FHDC1: variants seen among roughly 807,000 people sequenced by gnomAD.
FHDC1 encodes FH2 domain containing 1.
FHDC1 carries 25 observed loss-of-function variants against 52.6 expected under a neutral mutation model. That is an observed-to-expected ratio of 0.48 (90% CI 0.35 to 0.66). The LOEUF is 0.66. Among genes scored for constraint, FHDC1 ranks in the 30% least tolerant of loss-of-function variants. The pLI, the probability that FHDC1 is intolerant of heterozygous loss-of-function variation, is 0.01. For synonymous variants in FHDC1, 616 were observed against 581.5 expected (o/e 1.06, Z -0.85); for missense variants, 1,459 against 1,452.8 (o/e 1.00, Z -0.07).
intron 2 of FHDC1, 144 bp from the exon 3 acceptor site, chr4:152,953,355 A>G (rs960578620): frequency 1.6e-6 from 1 of 632,494 alleles, no homozygotes; most frequent in Admixed American, 3.0e-5. Flanking sequence ...TATGTTAGGA[A>G]TATCTGTTAA....
chr4:152,976,617 C>T lies in FHDC1; in HGVS notation c.3326C>T (p.Thr1109Met). Residue 1109 changes from threonine (T) to methionine (M), a missense_variant, in exon 12 of 12, where the codon ACG becomes ATG. Coordinates refer to ENST00000511601, the MANE Select transcript of FHDC1 (RefSeq NM_001371116.1). ...PESAEGPSAN[T>M]EAPLKARGAG... ...TCTGCGGAGGGTCCCAGTGCCAACA[C>T]GGAGGCCCCTCTGAAGGCCAGAGGG... is the stretch of plus-strand genomic sequence containing the variant. The T allele has an allele frequency of 7.5e-6, 12 of 1,610,362 alleles. No homozygotes were observed. The highest frequency in any genetic ancestry group is 1.0e-5 in the Non-Finnish European group (12 of 1,178,438).
rs750380140 is a variant in FHDC1, at chr4:152,975,422, C to A, written c.2131C>A (p.His711Asn). 3.1e-6 allele frequency: 5 copies of A among 1,613,512 alleles called. No individual in the cohort carries two copies. The South Asian group carries it at 5.5e-5, about 18-fold the overall frequency. ...FSPMELESVGHRGPQSLSASS... is the reference protein window; with the variant it reads ...FSPMELESVGNRGPQSLSASS... ...CCCGATGGAGCTAGAGTCTGTGGGG[C>A]ATAGGGGCCCGCAGTCCCTCAGTGC... Residue 711 changes from histidine to asparagine, a missense_variant, in exon 12 of 12, where the codon CAT becomes AAT. By Grantham distance (68) the His-to-Asn change is moderately conservative. Coordinates refer to ENST00000511601, the MANE Select transcript of FHDC1 (RefSeq NM_001371116.1).
intron 1 of FHDC1, among the ~76,000 whole-genome samples, chr4:152,941,813 G>A (rs62320605): frequency 0.048 from 7,376 of 152,150 alleles, 228 homozygotes; most frequent in South Asian, 0.11. Context: ...ATTACACCCC[G>A]AAGTGCCGTG....
chr4:152,936,938 T>A (rs1739400569), intron 1 of FHDC1, among the ~76,000 whole-genome samples: 1 of 152,220 alleles, frequency 6.6e-6, no homozygotes. Flanking sequence ...GGGGACCTAG[T>A]GCGGTGGTGC....
At chr4:152,915,538 G>A in the FHDC1 span, among the ~76,000 whole-genome samples, 1 of 152,176 alleles carries the variant, frequency 6.6e-6, no homozygotes, top group South Asian at 2.1e-4. Context: ...TTACAAAGAG[G>A]CAGTACACTT....
At chr4:152,939,367 C>A (rs189167197) in intron 1 of FHDC1, among the ~76,000 whole-genome samples, 204 of 152,198 alleles carry the variant, frequency 1.3e-3, no homozygotes, top group Non-Finnish European at 2.6e-3. Flanking sequence ...ATCTCCTGAC[C>A]TCGTGATCTG....
the FHDC1 span, chr4:152,911,450 T>TG: frequency 6.6e-6 from 1 of 152,310 alleles, no homozygotes; most frequent in Non-Finnish European, 1.5e-5. Flanking sequence ...CTGTTTTAGT[T>TG]GCTCGGCACT....
the FHDC1 span, among the ~76,000 whole-genome samples, chr4:152,917,763 C>T: frequency 1.3e-5 from 2 of 152,154 alleles, no homozygotes; most frequent in Admixed American, 1.3e-4. Flanking sequence ...TTTCATTCGC[C>T]GCCTGATTCC....
chr4:152,953,927 A>T (rs551537212), intron 3 of FHDC1, among the ~76,000 whole-genome samples: 1 of 152,340 alleles, frequency 6.6e-6, no homozygotes, highest in African/African-American at 2.4e-5. Context: ...CAGTGAGACC[A>T]AAGAGGATTA....
At position 152,975,380 on chromosome 4, in the gene FHDC1, A is replaced by G. The variant is rs1740824912; in HGVS notation, c.2089A>G (p.Thr697Ala). Residue 697 changes from threonine (T) to alanine (A), a missense_variant, in exon 12 of 12, where the codon ACT (threonine) becomes GCT (alanine). Transcript: ENST00000511601. The stretch of plus-strand genomic sequence containing the variant: ...GGGCATGGAGGAGACCTCCCAGCTG[A>G]CTCTGAGTGACTTCAGCCCGATGGA... ...SQGMEETSQL[T>A]LSDFSPMELE... The G allele has an allele frequency of 1.2e-6, 2 of 1,613,346 alleles. No individual in the cohort carries two copies. The highest frequency in any genetic ancestry group is 1.3e-5 in the African/African-American group (1 of 74,868).
intron 2 of FHDC1, among the ~76,000 whole-genome samples, chr4:152,947,694 C>A (rs1739775775): frequency 6.6e-6 from 1 of 152,036 alleles, no homozygotes; most frequent in African/African-American, 2.4e-5. Context: ...TTGGGGCTCA[C>A]AAAGAAAGCA....
intron 10 of FHDC1, among the ~76,000 whole-genome samples, chr4:152,969,471 A>AT (rs1740567760): frequency 6.6e-6 from 1 of 152,224 alleles, no homozygotes; most frequent in Admixed American, 6.5e-5. Flanking sequence ...AAAATCAAGA[A>AT]TAAGGACCAT....
intron 11 of FHDC1, 101 bp downstream of exon 11, chr4:152,972,642 C>CCCGAA: frequency 7.3e-7 from 1 of 1,366,782 alleles, no homozygotes; most frequent in Non-Finnish European, 9.8e-7. Context: ...TTTGCATCTC[C>CCCGAA]ACGGTTTCGG....
chr4:152,941,301 G>T (rs1416335983), intron 1 of FHDC1, among the ~76,000 whole-genome samples: 1 of 152,204 alleles, frequency 6.6e-6, no homozygotes, highest in African/African-American at 2.4e-5. Context: ...TTACAAGTTT[G>T]TTCCTAGCAG....
chr4:152,933,729 C>CAAAAA (rs70949623), upstream of FHDC1, among the ~76,000 whole-genome samples: 90 of 60,736 alleles, frequency 1.5e-3, 1 homozygote, highest in Non-Finnish European at 2.4e-3. Context: ...GACCCCGTCT[C>CAAAAA]AAAAAAAAAA....
the FHDC1 span, chr4:152,927,432 T>C: frequency 1.3e-6 from 1 of 790,430 alleles, no homozygotes; most frequent in South Asian, 1.3e-5. Context: ...ATAGTGGCGA[T>C]TGGTTGTTTC....
At chr4:152,962,754 CT>C in intron 6 of FHDC1, 59 bp from the exon 7 acceptor site, 2 of 1,409,468 alleles carry the variant, frequency 1.4e-6, no homozygotes, top group Non-Finnish European at 2.0e-6. Context: ...TGGTAGCTGT[CT>C]TTTGTGCATT....
the FHDC1 span, among the ~76,000 whole-genome samples, chr4:152,931,131 G>C: frequency 6.6e-6 from 1 of 151,988 alleles, no homozygotes; most frequent in African/African-American, 2.4e-5. Flanking sequence ...TAAACAATTT[G>C]AAAACAGTTT....
chr4:152,955,104 T>TA lies in FHDC1; in HGVS notation c.663+794dup, dbSNP rs537047153. Among the ~76,000 whole-genome samples, 273 of 151,196 alleles carry TA rather than the reference T, an allele frequency of 1.8e-3. 12 individuals are homozygous for TA. The South Asian group carries it at 0.051, about 28-fold the overall frequency. ...TATTTTATAATCCATATACTTTTTT[T>TA]AAAAAAAAAGATGAAAACAATCATT... On this transcript the variant is annotated intron_variant, in intron 4 of 11. Transcript: ENST00000511601.
Sources: allele counts gnomAD v4.1 joint callset (sites outside exome capture counted in the v4.1 genomes callset), GRCh38; gene constraint gnomAD v4.1.1; transcripts MANE v1.5; gene names NCBI Gene and HGNC (gene_info 2026-07-23, HGNC 2026-07-21).